Variants in NRG3 observed in about 807,000 individuals in gnomAD.
NRG3 encodes neuregulin 3, also known as pro-neuregulin-3, membrane-bound isoform.
NRG3 carries 31 observed loss-of-function variants against 66.9 expected under a neutral mutation model. That is an observed-to-expected ratio of 0.46 (90% CI 0.35 to 0.63). NRG3 has a LOEUF of 0.63. Among genes scored for constraint, NRG3 ranks in the 20% least tolerant of loss-of-function variants. The pLI is 0.00. For synonymous variants in NRG3, 393 were observed against 359.4 expected (o/e 1.09, Z -1.06); for missense variants, 910 against 878.9 (o/e 1.04, Z -0.45).
intron 2 of NRG3, among the ~76,000 whole-genome samples, chr10:82,705,134 A>C (rs1591245284): frequency 6.6e-6 from 1 of 152,338 alleles, no homozygotes; most frequent in Admixed American, 6.5e-5. Flanking sequence ...ATATGGAAAA[A>C]AACTATAGAA....
At chr10:82,366,724 A>G (rs953431790) in intron 2 of NRG3, among the ~76,000 whole-genome samples, 2 of 152,118 alleles carry the variant, frequency 1.3e-5, no homozygotes, top group Non-Finnish European at 2.9e-5. Flanking sequence ...TCATGTGAAA[A>G]TGTACACACT....
intron 2 of NRG3, among the ~76,000 whole-genome samples, chr10:82,408,085 C>CAGAAAGAA (rs71009807): frequency 0.069 from 5,200 of 74,832 alleles, 299 homozygotes; most frequent in South Asian, 0.097. Flanking sequence ...GAGAGAGAGA[C>CAGAAAGAA]AGAAAGAAAG....
At chr10:82,096,707 A>G (rs1163977747) in intron 1 of NRG3, among the ~76,000 whole-genome samples, 3 of 152,164 alleles carry the variant, frequency 2.0e-5, no homozygotes, top group Non-Finnish European at 4.4e-5. Context: ...ATTGATATGG[A>G]AGACAGGCAT....
At chr10:82,249,233 C>T (rs2077378200) in intron 1 of NRG3, among the ~76,000 whole-genome samples, 1 of 152,162 alleles carries the variant, frequency 6.6e-6, no homozygotes, top group Non-Finnish European at 1.5e-5. Flanking sequence ...ATATGGCCTT[C>T]CAGCTCCCTG....
At chr10:81,975,899 T>G (rs545785009) in intron 1 of NRG3, among the ~76,000 whole-genome samples, 11 of 152,132 alleles carry the variant, frequency 7.2e-5, no homozygotes, top group East Asian at 3.9e-4. Flanking sequence ...AATTCAGAGA[T>G]AGATTTGAAG....
intron 2 of NRG3, among the ~76,000 whole-genome samples, chr10:82,517,692 T>A (rs1293776691): frequency 6.6e-6 from 1 of 151,368 alleles, no homozygotes; most frequent in Non-Finnish European, 1.5e-5. Flanking sequence ...TGTGTGTGTG[T>A]GTGTCTGTAT....
chr10:82,854,079 A>G lies in NRG3; in HGVS notation c.1028-11332A>G, dbSNP rs981646034. Among the ~76,000 whole-genome samples the G allele has an allele frequency of 8.5e-5, 13 of 152,334 alleles. No homozygotes were observed. The East Asian group carries it at 2.5e-3, about 29-fold the overall frequency. The stretch of plus-strand genomic sequence containing the variant: ...GATTCAATAAGCATTCACTTGCCAT[A>G]TGCTATTGGAAAGGCACTAGAGGCG... On this transcript the variant is annotated intron_variant, in intron 3 of 8. Coordinates refer to ENST00000372141, the MANE Select transcript of NRG3 (RefSeq NM_001010848.4).
intron 3 of NRG3, among the ~76,000 whole-genome samples, chr10:82,836,686 T>A (rs2062792325): frequency 6.6e-6 from 1 of 151,910 alleles, no homozygotes; most frequent in African/African-American, 2.4e-5. Flanking sequence ...GCAAATACTG[T>A]GCCATTTTCT....
intron 2 of NRG3, among the ~76,000 whole-genome samples, chr10:82,436,688 T>A (rs148965203): frequency 0.015 from 2,300 of 152,270 alleles, 44 homozygotes; most frequent in African/African-American, 0.046. Flanking sequence ...TTTTCCTTTC[T>A]GTATTTAGTG....
At chr10:82,945,480 G>T (rs1383206620) in intron 4 of NRG3, among the ~76,000 whole-genome samples, 3 of 152,132 alleles carry the variant, frequency 2.0e-5, no homozygotes, top group Non-Finnish European at 4.4e-5. Context: ...AATTTATTTG[G>T]TTCATGTTTC....
In NRG3 at chr10:82,723,975, A is replaced by G. The variant is rs375092842; in HGVS notation, c.954-14602A>G. Among the ~76,000 whole-genome samples, 1,155 of 151,406 alleles carry G rather than the reference A, an allele frequency of 7.6e-3. 15 individuals carry two copies. The highest frequency in any genetic ancestry group is 0.027 in the African/African-American group (1,114 of 40,882). ...AGCCTGGGCGACAGAGCGAGACTCC[A>G]TCTCAAAAAAAAGTAAATAAATAAA... On this transcript the variant is annotated intron_variant, in intron 2 of 8. Transcript: ENST00000372141.
chr10:82,973,929 A>G lies in NRG3; in HGVS notation c.1412+14A>G. 1 of 1,595,442 alleles carries G rather than the reference A, an allele frequency of 6.3e-7. No homozygotes were observed. Among genetic ancestry groups the G allele is most frequent in the Admixed American group, 1.7e-5 (1 of 59,960 alleles). ...CAAACACCACAGGTACAAGTAGCTCATCATGGTGGGTGTGGGCACCTTCAC... is the reference window on the plus strand; with the variant it reads ...CAAACACCACAGGTACAAGTAGCTCGTCATGGTGGGTGTGGGCACCTTCAC... On this transcript the variant is annotated intron_variant, in intron 7 of 8. Coordinates refer to ENST00000372141, the MANE Select transcript of NRG3 (RefSeq NM_001010848.4).
At chr10:82,649,611 G>A (rs759881907) in intron 2 of NRG3, among the ~76,000 whole-genome samples, 28 of 151,536 alleles carry the variant, frequency 1.8e-4, no homozygotes, top group South Asian at 4.2e-4. Context: ...ACACCACCAC[G>A]CCCGGCTAAT....
chr10:82,733,744 A>G (rs1274314959), intron 2 of NRG3, among the ~76,000 whole-genome samples: 3 of 152,238 alleles, frequency 2.0e-5, no homozygotes, highest in South Asian at 2.1e-4. Flanking sequence ...TTTTCCTAAC[A>G]AGAGGAAGAA....
chr10:82,111,561 G>A (rs2067388406), intron 1 of NRG3, among the ~76,000 whole-genome samples: 1 of 152,054 alleles, frequency 6.6e-6, no homozygotes, highest in African/African-American at 2.4e-5. Context: ...GGAAGCATAG[G>A]TACTCACCCA....
chr10:82,834,005 CT>C (rs2062655036), intron 3 of NRG3, among the ~76,000 whole-genome samples: 1 of 152,120 alleles, frequency 6.6e-6, no homozygotes, highest in Non-Finnish European at 1.5e-5. Context: ...ATATACTGCA[CT>C]CTTTTTTATT....
At chr10:82,098,044 G>A (rs1042464722) in intron 1 of NRG3, among the ~76,000 whole-genome samples, 1 of 96,838 alleles carries the variant, frequency 1.0e-5, no homozygotes, top group Non-Finnish European at 2.1e-5. Flanking sequence ...AATGTAGTCT[G>A]CCACATATAT....
intron 2 of NRG3, among the ~76,000 whole-genome samples, chr10:82,606,673 A>AC (rs779142195): frequency 2.6e-5 from 4 of 152,136 alleles, no homozygotes; most frequent in African/African-American, 9.7e-5. Flanking sequence ...GTACACTTTG[A>AC]CCCACTTCCC....
intron 1 of NRG3, among the ~76,000 whole-genome samples, chr10:82,244,337 A>T (rs950926904): frequency 6.6e-6 from 1 of 152,208 alleles, no homozygotes; most frequent in Non-Finnish European, 1.5e-5. Flanking sequence ...CCATAGCATC[A>T]ACTCTGTAGA....
Sources: gnomAD v4.1 joint callset for allele counts (sites outside exome capture counted in the v4.1 genomes callset) on GRCh38, gnomAD v4.1.1 for gene constraint, MANE v1.5 for transcripts, NCBI Gene and HGNC (gene_info 2026-07-23, HGNC 2026-07-21) for gene names.